CPSF2: variants seen among roughly 807,000 people sequenced by gnomAD.
The protein encoded by CPSF2 is cleavage and polyadenylation specific factor 2.
Under a neutral mutation model 84.2 loss-of-function variants are expected in CPSF2, and 51 were observed. The ratio of observed to expected loss-of-function variants is 0.61; its 90% CI spans 0.48 to 0.77. The LOEUF is 0.77. Ranked by LOEUF, CPSF2 falls within the 30% of genes least tolerant of loss-of-function variation. CPSF2 has a pLI of 0.00. For missense variants in CPSF2, 641 were observed against 929.4 expected (o/e 0.69, Z 4.03); for synonymous variants, 286 against 311.9 (o/e 0.92, Z 0.87).
intron 2 of CPSF2, among the ~76,000 whole-genome samples, chr14:92,128,438 G>A (rs1379177665): frequency 2.0e-5 from 3 of 152,118 alleles, no homozygotes; most frequent in African/African-American, 7.2e-5. Flanking sequence ...AGCCAAGATC[G>A]TGACACTGCA....
At chr14:92,124,174 A>G (rs917369052) in intron 1 of CPSF2, among the ~76,000 whole-genome samples, 51 of 152,222 alleles carry the variant, frequency 3.4e-4, no homozygotes, top group African/African-American at 1.2e-3. Context: ...GTAGGTTAAG[A>G]TCAGCTTGTG....
chr14:92,132,934 TAA>T (rs890451677), intron 3 of CPSF2, among the ~76,000 whole-genome samples: 1 of 150,722 alleles, frequency 6.6e-6, no homozygotes, highest in Admixed American at 6.6e-5. Context: ...CTACTAAAAA[TAA>T]AAAAATTAGC....
Position 92,122,068 on chromosome 14 carries a change from A to T in CPSF2, c.-154A>T, listed in dbSNP as rs1389263742. On this transcript the variant is annotated 5_prime_UTR_variant, in exon 1 of 16. Transcript: ENST00000298875. ...CCAGCATCGGCTTTTCTACGTCTTGAACCTGGATTCGCCTAGGGGTTGGGA... is the reference window on the plus strand; with the variant it reads ...CCAGCATCGGCTTTTCTACGTCTTGTACCTGGATTCGCCTAGGGGTTGGGA... 11 of 521,404 alleles carry T rather than the reference A, an allele frequency of 2.1e-5. No individual in the cohort carries two copies. Among genetic ancestry groups the T allele is most frequent in the Non-Finnish European group, 3.8e-5 (11 of 290,012 alleles). The allele number at this position is 521,404 out of a possible 1,614,324, so 32.3% of individuals were successfully genotyped here.
In CPSF2 at chr14:92,163,973, G is replaced by C. The variant is rs902588491; in HGVS notation, c.*2229G>C. ...TCAAACTCCCGACCTCAGGTGATCC[G>C]CCCGCCTGGGCCTCCCAAAGTGCTG... On this transcript the variant is annotated 3_prime_UTR_variant, in exon 16 of 16. Transcript: ENST00000298875. 1 of 152,278 alleles carries C rather than the reference G, an allele frequency of 6.6e-6. No individual in the cohort carries two copies. Among genetic ancestry groups the C allele is most frequent in the Non-Finnish European group, 1.5e-5 (1 of 68,176 alleles). The allele number at this position is 152,278 out of a possible 1,614,324, so 9.4% of individuals were successfully genotyped here.
At chr14:92,138,799 A>G (rs78780448) in intron 7 of CPSF2, among the ~76,000 whole-genome samples, 1,968 of 152,288 alleles carry the variant, frequency 0.013, 64 homozygotes, top group East Asian at 0.13. Context: ...ATCCGTCTCC[A>G]GAATCGTGAA....
intron 9 of CPSF2, among the ~76,000 whole-genome samples, chr14:92,150,126 AT>A (rs34334559): frequency 2.7e-5 from 4 of 147,992 alleles, no homozygotes; most frequent in Non-Finnish European, 4.5e-5. Flanking sequence ...TTTTGTTGGT[AT>A]TTTTTTTTTC....
At chr14:92,149,596 A>G (rs2069185420) in intron 9 of CPSF2, among the ~76,000 whole-genome samples, 1 of 151,634 alleles carries the variant, frequency 6.6e-6, no homozygotes, top group South Asian at 2.1e-4. Context: ...TACAAAAAAG[A>G]AAAAAAAGTC....
At chr14:92,131,592 A>G (rs1324413604) in intron 3 of CPSF2, among the ~76,000 whole-genome samples, 1 of 152,168 alleles carries the variant, frequency 6.6e-6, no homozygotes, top group Non-Finnish European at 1.5e-5. Context: ...CAATCCCAGT[A>G]CTTTAGGAGG....
At chr14:92,130,837 G>T in intron 2 of CPSF2, 114 bp from the exon 3 acceptor site, 2 of 642,784 alleles carry the variant, frequency 3.1e-6, no homozygotes, top group South Asian at 2.7e-5. Flanking sequence ...ACTGCTTTTC[G>T]TGTTAATGGA....
chr14:92,137,171 TC>T, intron 6 of CPSF2, among the ~76,000 whole-genome samples: 2 of 152,168 alleles, frequency 1.3e-5, no homozygotes, highest in South Asian at 4.1e-4. Context: ...ATTTAAATGA[TC>T]TTTTTTTGTT....
At chr14:92,134,876 T>G (rs2068978934) in intron 5 of CPSF2, among the ~76,000 whole-genome samples, 1 of 152,178 alleles carries the variant, frequency 6.6e-6, no homozygotes, top group African/African-American at 2.4e-5. Flanking sequence ...GATAAAATGG[T>G]GCAATAATGG....
At chr14:92,149,485 C>T (rs938012275) in intron 9 of CPSF2, among the ~76,000 whole-genome samples, 1 of 151,954 alleles carries the variant, frequency 6.6e-6, no homozygotes, top group Non-Finnish European at 1.5e-5. Flanking sequence ...GACATACTGG[C>T]TCATGCTTGT....
chr14:92,151,717 C>T (rs981120288), intron 9 of CPSF2, among the ~76,000 whole-genome samples: 1 of 152,030 alleles, frequency 6.6e-6, no homozygotes, highest in Non-Finnish European at 1.5e-5. Flanking sequence ...TTGAGCTAGA[C>T]ATTAAAGAGA....
At position 92,168,266 on chromosome 14, in the gene CPSF2, A is replaced by T. The variant is rs1050618308; in HGVS notation, c.*6522A>T. On this transcript the variant is annotated 3_prime_UTR_variant, in exon 16 of 16. Coordinates refer to ENST00000298875, the MANE Select transcript of CPSF2 (RefSeq NM_017437.3). ...CTGTCTCCAAAAAAAAAAAAAAAAA[A>T]GGGCAGGGGGAGCGGCTAGAGAAGG... 8.3e-5 allele frequency: 12 copies of T among 144,612 alleles called. No homozygotes were observed. The East Asian group carries it at 2.1e-3, about 26-fold the overall frequency. 9.0% of individuals were successfully genotyped at this position (144,612 alleles called of 1,614,324 possible).
Position 92,169,433 on chromosome 14 carries a change from C to T in CPSF2, c.*7689C>T, listed in dbSNP as rs867721017. ...TTAATATCAGACTATAACTAAAATACAAGTAGTGGAATTATACTTTTATAA... is the reference window on the plus strand; with the variant it reads ...TTAATATCAGACTATAACTAAAATATAAGTAGTGGAATTATACTTTTATAA... On this transcript the variant is annotated 3_prime_UTR_variant, in exon 16 of 16. Coordinates refer to ENST00000298875, the MANE Select transcript of CPSF2 (RefSeq NM_017437.3). 6.6e-6 allele frequency: 1 copy of T among 151,864 alleles called. No homozygotes were observed. Among genetic ancestry groups the T allele is most frequent in the African/African-American group, 2.4e-5 (1 of 41,308 alleles). 9.4% of individuals were successfully genotyped at this position (151,864 alleles called of 1,614,324 possible).
chr14:92,142,465 AGAT>A (rs1233585883), intron 8 of CPSF2, 114 bp downstream of exon 8: 3 of 773,526 alleles, frequency 3.9e-6, no homozygotes, highest in African/African-American at 1.7e-5. Context: ...ATTGTTAATA[AGAT>A]GATAACTTGG....
chr14:92,129,818 G>A (rs2068891827), intron 2 of CPSF2, among the ~76,000 whole-genome samples: 1 of 152,114 alleles, frequency 6.6e-6, no homozygotes, highest in South Asian at 2.1e-4. Flanking sequence ...CGCACTCATA[G>A]CTCACAGTAA....
At chr14:92,128,900 A>G (rs146022286) in intron 2 of CPSF2, among the ~76,000 whole-genome samples, 161 of 152,298 alleles carry the variant, frequency 1.1e-3, no homozygotes, top group African/African-American at 3.8e-3. Flanking sequence ...GAGGAAGTCA[A>G]GGAACCAACA....
rs1473560611 is a variant in CPSF2 at position 92,157,995 on chromosome 14, T to TC, written c.1821+111_1821+112insC. ...TGTGAGACAGACATGGATGGTCTCC[T>TC]GCCCTAGCAGACCTCATAGGGTATG... is the stretch of plus-strand genomic sequence containing the variant. On this transcript the variant is annotated intron_variant, in intron 13 of 15. Coordinates refer to ENST00000298875, the MANE Select transcript of CPSF2 (RefSeq NM_017437.3). This position sits in a 1 kb window ranked among gnomAD's most constrained non-coding sequence, Gnocchi z 4.0. 17 of 738,248 alleles carry TC rather than the reference T, an allele frequency of 2.3e-5. No individual in the cohort carries two copies. In the East Asian group the frequency reaches 4.5e-4, roughly 19 times the overall value. 45.7% of individuals were successfully genotyped at this position (738,248 alleles called of 1,614,324 possible).
Sources: allele counts gnomAD v4.1 joint callset (sites outside exome capture counted in the v4.1 genomes callset), GRCh38; gene constraint gnomAD v4.1.1; non-coding constraint Gnocchi (gnomAD v3.1); transcripts MANE v1.5; gene names NCBI Gene and HGNC (gene_info 2026-07-23, HGNC 2026-07-21).